Variants in IQSEC1 observed in about 807,000 individuals in gnomAD.
IQSEC1 encodes IQ motif and Sec7 domain ArfGEF 1, also known as IQ motif and SEC7 domain-containing protein 1.
In IQSEC1, 31 loss-of-function variants were observed where a neutral mutation model predicts 91.0. That is an observed-to-expected ratio of 0.34 (90% confidence interval 0.26 to 0.46). The LOEUF is 0.46. Among genes scored for constraint, IQSEC1 ranks in the 20% least tolerant of loss-of-function variants. The pLI, the probability that IQSEC1 is intolerant of heterozygous loss-of-function variation, is 1.00. For synonymous variants in IQSEC1, 699 were observed against 662.6 expected (o/e 1.05, Z -0.84); for missense variants, 1,388 against 1,575.6 (o/e 0.88, Z 2.02).
intron 2 of IQSEC1, among the ~76,000 whole-genome samples, chr3:13,093,945 G>C (rs1412492766): frequency 1.3e-5 from 2 of 152,192 alleles, no homozygotes; most frequent in Non-Finnish European, 2.9e-5. Context: ...ACCTGAGTCA[G>C]GCCAATGAGA....
intron 1 of IQSEC1, among the ~76,000 whole-genome samples, chr3:12,944,913 C>A (rs996688255): frequency 1.3e-5 from 2 of 152,194 alleles, no homozygotes; most frequent in African/African-American, 4.8e-5. Flanking sequence ...GAGCAATGTT[C>A]ACCTCAAGTC....
intron 2 of IQSEC1, among the ~76,000 whole-genome samples, chr3:13,127,821 A>G (rs147391714): frequency 2.3e-3 from 348 of 152,228 alleles, no homozygotes; most frequent in African/African-American, 7.8e-3. Flanking sequence ...TCTTTCTTTC[A>G]TCTGCATGTT....
intron 1 of IQSEC1, among the ~76,000 whole-genome samples, chr3:13,220,658 A>T (rs1277846646): frequency 6.6e-6 from 1 of 152,250 alleles, no homozygotes; most frequent in African/African-American, 2.4e-5. Flanking sequence ...TGGTTTATGC[A>T]TGGTCTCAGG....
chr3:13,112,623 G>A (rs1313601001), intron 2 of IQSEC1, among the ~76,000 whole-genome samples: 1 of 152,268 alleles, frequency 6.6e-6, no homozygotes, highest in Admixed American at 6.5e-5. Flanking sequence ...CATGGTGGAT[G>A]CGGCAGGAGC....
rs527371642 is a variant in IQSEC1 at position 13,267,037 on chromosome 3, A to G, written c.272+15674T>C. 2.9e-3 allele frequency among the ~76,000 whole-genome samples: 428 copies of G among 150,038 alleles called. 1 individual carries two copies. The highest frequency in any genetic ancestry group is 9.7e-3 in the African/African-American group (395 of 40,570). On this transcript the variant is annotated intron_variant, in intron 1 of 15. Transcript: ENST00000648114. ...TCTGAATGTCTGTGTTCTCCCCACC[A>G]GGTTCATGTGTTGAACTCCTCATCC...
At chr3:12,942,242 T>C (rs986068714) in intron 1 of IQSEC1, among the ~76,000 whole-genome samples, 1 of 152,212 alleles carries the variant, frequency 6.6e-6, no homozygotes, top group African/African-American at 2.4e-5. Flanking sequence ...TGCTCAGCAA[T>C]TACTGACTCA....
At chr3:13,135,751 C>T (rs960224034) in intron 2 of IQSEC1, among the ~76,000 whole-genome samples, 7 of 152,192 alleles carry the variant, frequency 4.6e-5, no homozygotes, top group Admixed American at 2.6e-4. Flanking sequence ...AGCACATGCT[C>T]CTCAGGCCTT....
Position 12,922,369 on chromosome 3 carries a change from G to T in IQSEC1, c.1731-127C>A. On this transcript the variant is annotated intron_variant, in intron 4 of 13. Transcript: ENST00000613206. This position sits in a 1 kb window ranked among gnomAD's most constrained non-coding sequence, Gnocchi z 5.1. ...CTCCTGGCAGGGAGAGCCCCTGCCT[G>T]ACTCCGACCAATCAGCCAAGAGCCC... The T allele has an allele frequency of 8.4e-7, 1 of 1,190,676 alleles. No individual in the cohort carries two copies. The highest frequency in any genetic ancestry group is 1.1e-6 in the Non-Finnish European group (1 of 889,750). The allele number at this position is 1,190,676 out of a possible 1,614,324, so 73.8% of individuals were successfully genotyped here.
chr3:12,915,545 C>T, intron 7 of IQSEC1, 49 bp downstream of exon 7: 2 of 1,593,402 alleles, frequency 1.3e-6, no homozygotes. Flanking sequence ...GCAGGCAGCC[C>T]CGCCCGGGTG....
chr3:12,908,549 C>T lies in IQSEC1; in HGVS notation c.2579-24G>A, dbSNP rs774176030. On this transcript the variant is annotated intron_variant, in intron 11 of 13. Transcript: ENST00000613206. This position sits in a 1 kb window ranked among gnomAD's most constrained non-coding sequence, Gnocchi z 4.9. ...CGCTGGAACAGAGAGGGTGAGGGTC[C>T]TGGTGAGAGGAGCACAGCCTAGAGT... 567 of 1,613,100 alleles carry T rather than the reference C, an allele frequency of 3.5e-4. 5 individuals carry two copies. In the South Asian group the frequency reaches 5.2e-3, roughly 15 times the overall value.
At chr3:12,926,793 C>CGGTG (rs1364621687) in intron 3 of IQSEC1, among the ~76,000 whole-genome samples, 1 of 152,216 alleles carries the variant, frequency 6.6e-6, no homozygotes, top group Non-Finnish European at 1.5e-5. Context: ...TTTCCATGTG[C>CGGTG]AAGTGAAAGG....
At chr3:12,980,765 G>A (rs986076322) in intron 1 of IQSEC1, among the ~76,000 whole-genome samples, 14 of 151,962 alleles carry the variant, frequency 9.2e-5, no homozygotes, top group African/African-American at 3.1e-4. Context: ...TTTGGGCCTC[G>A]TCTGGTCCTC....
At chr3:13,149,534 C>T (rs916023595) in intron 2 of IQSEC1, among the ~76,000 whole-genome samples, 21 of 152,030 alleles carry the variant, frequency 1.4e-4, no homozygotes, top group Non-Finnish European at 8.8e-5. Context: ...GAGAGGGTGT[C>T]CCCGGGGGAG....
intron 1 of IQSEC1, among the ~76,000 whole-genome samples, chr3:13,035,022 C>T (rs998803733): frequency 6.6e-6 from 1 of 152,254 alleles, no homozygotes; most frequent in South Asian, 2.1e-4. Context: ...CCTGCTTTCT[C>T]CTCCTCCACT....
At chr3:13,081,903 G>A (rs774554018) in intron 2 of IQSEC1, among the ~76,000 whole-genome samples, 79 of 152,374 alleles carry the variant, frequency 5.2e-4, no homozygotes, top group Admixed American at 9.8e-4. Flanking sequence ...TGCACTTGAT[G>A]TGCTAAAGGA....
chr3:12,994,104 C>G lies in IQSEC1; in HGVS notation c.24-52239G>C, dbSNP rs1230914252. ...ACCTCGCGGGTCCGCCCGCAGCCGC[C>G]GAGAGCGCGCCGTCCCCGCGGCCGG... On this transcript the variant is annotated intron_variant, in intron 1 of 13. Transcript: ENST00000613206. The surrounding 1 kb of genome is among the most constrained non-coding windows in gnomAD (Gnocchi z 4.5). Among the ~76,000 whole-genome samples, 1 of 146,416 alleles carries G rather than the reference C, an allele frequency of 6.8e-6. No homozygotes were observed. Among genetic ancestry groups the G allele is most frequent in the African/African-American group, 2.4e-5 (1 of 40,842 alleles).
intron 1 of IQSEC1, among the ~76,000 whole-genome samples, chr3:13,002,239 C>T (rs1337978134): frequency 6.6e-6 from 1 of 152,084 alleles, no homozygotes; most frequent in Non-Finnish European, 1.5e-5. Flanking sequence ...AAATCTTAGA[C>T]AAAAACATAA....
intron 6 of IQSEC1, among the ~76,000 whole-genome samples, chr3:12,917,086 A>G (rs569785710): frequency 6.6e-6 from 1 of 152,264 alleles, no homozygotes; most frequent in South Asian, 2.1e-4. Context: ...ATTTTCCTAA[A>G]TAGACATTAT....
At chr3:13,147,735 C>G (rs186921836) in intron 2 of IQSEC1, among the ~76,000 whole-genome samples, 1 of 152,174 alleles carries the variant, frequency 6.6e-6, no homozygotes, top group African/African-American at 2.4e-5. Context: ...CAGGTTCAAG[C>G]GATCCTCCTG....
Sources: allele counts gnomAD v4.1 joint callset (sites outside exome capture counted in the v4.1 genomes callset), GRCh38; gene constraint gnomAD v4.1.1; non-coding constraint Gnocchi (gnomAD v3.1); transcripts MANE v1.5; gene names NCBI Gene and HGNC (gene_info 2026-07-23, HGNC 2026-07-21).